WFDC1: variants seen among roughly 807,000 people sequenced by gnomAD.
The protein encoded by WFDC1 is WAP four-disulfide core domain protein 1.
In WFDC1, 39 loss-of-function variants were observed where a neutral mutation model predicts 32.9. That is an observed-to-expected ratio of 1.19 (90% confidence interval 0.92 to 1.55). The LOEUF is 1.55. Ranked by LOEUF, WFDC1 falls within the 40% of genes most tolerant of loss-of-function variation. WFDC1 has a pLI of 0.00. For synonymous variants in WFDC1, 184 were observed against 137.4 expected (o/e 1.34, Z -2.37); for missense variants, 386 against 309.5 (o/e 1.25, Z -1.85).
intron 1 of WFDC1, among the ~76,000 whole-genome samples, chr16:84,304,233 T>G (rs1353939324): frequency 6.6e-6 from 1 of 152,222 alleles, no homozygotes; most frequent in African/African-American, 2.4e-5. Context: ...TTTGTTCATC[T>G]ATATGAACAA....
chr16:84,300,707 C>T (rs1232738332), intron 1 of WFDC1, among the ~76,000 whole-genome samples: 2 of 152,152 alleles, frequency 1.3e-5, no homozygotes, highest in Non-Finnish European at 2.9e-5. Flanking sequence ...TGGTGGCCCA[C>T]GCCTGTAATT....
At chr16:84,318,930 GTGTGT>G in intron 3 of WFDC1, 1 of 200,288 alleles carries the variant, frequency 5.0e-6, no homozygotes, top group South Asian at 9.5e-5. Flanking sequence ...GTGTGTGTGT[GTGTGT>G]GTGTGTGCAT....
intron 1 of WFDC1, among the ~76,000 whole-genome samples, chr16:84,297,240 C>T (rs1046450879): frequency 2.6e-5 from 4 of 152,138 alleles, no homozygotes; most frequent in East Asian, 3.9e-4. Context: ...TGAATTGGCT[C>T]CTCGCTGAAT....
intron 2 of WFDC1, among the ~76,000 whole-genome samples, chr16:84,313,584 C>T (rs1445909946): frequency 6.6e-6 from 1 of 152,206 alleles, no homozygotes; most frequent in African/African-American, 2.4e-5. Flanking sequence ...CCTGGGCTGC[C>T]ACCAGCTGGA....
At chr16:84,307,706 C>T (rs1224914287) in intron 1 of WFDC1, among the ~76,000 whole-genome samples, 1 of 152,168 alleles carries the variant, frequency 6.6e-6, no homozygotes, top group African/African-American at 2.4e-5. Context: ...TAAGCCGCCC[C>T]CTCCCGACGA....
chr16:84,324,476 GTTCT>G lies in WFDC1; in HGVS notation c.604+24_604+27del, dbSNP rs1908474009. The G allele has an allele frequency of 1.2e-6, 2 of 1,610,856 alleles. No individual in the cohort carries two copies. The highest frequency in any genetic ancestry group is 1.7e-6 in the Non-Finnish European group (2 of 1,178,654). On this transcript the variant is annotated intron_variant, in intron 5 of 6. Coordinates refer to ENST00000219454, the MANE Select transcript of WFDC1 (RefSeq NM_021197.4). ...GAATATCCAGGTAAAAGAAGAAACT[GTTCT>G]TTCTTTCCAGAGGGCACAAAAAAAA...
chr16:84,302,418 C>T (rs1052261153), intron 1 of WFDC1, among the ~76,000 whole-genome samples: 3 of 152,172 alleles, frequency 2.0e-5, no homozygotes. Flanking sequence ...GAACCTGAGG[C>T]ACCTCTCGGG....
intron 1 of WFDC1, among the ~76,000 whole-genome samples, chr16:84,298,790 G>A (rs1033212018): frequency 1.8e-4 from 28 of 152,186 alleles, no homozygotes; most frequent in Non-Finnish European, 1.5e-4. Context: ...AGCATGCAGA[G>A]ACAGTGCCAG....
chr16:84,301,646 T>G (rs1047450606), intron 1 of WFDC1, among the ~76,000 whole-genome samples: 1 of 152,064 alleles, frequency 6.6e-6, no homozygotes, highest in Admixed American at 6.6e-5. Context: ...GCTGCCTGGG[T>G]GCTGGAGAGA....
At chr16:84,299,750 G>T (rs545198709) in intron 1 of WFDC1, among the ~76,000 whole-genome samples, 13 of 152,286 alleles carry the variant, frequency 8.5e-5, no homozygotes, top group African/African-American at 3.1e-4. Flanking sequence ...TCCCCTCTAA[G>T]CACCCCTCCA....
At chr16:84,327,707 G>T (rs1009670267) in intron 6 of WFDC1, 2 of 152,186 alleles carry the variant, frequency 1.3e-5, no homozygotes, top group African/African-American at 2.4e-5. Context: ...TCCAAGACCA[G>T]ACTAGGTCGC....
chr16:84,322,474 T>G (rs767140438), intron 4 of WFDC1, among the ~76,000 whole-genome samples: 7 of 152,198 alleles, frequency 4.6e-5, no homozygotes, highest in Non-Finnish European at 8.8e-5. Flanking sequence ...ATAAAAATGT[T>G]GCAAAAGTAG....
chr16:84,296,156 A>G (rs1906585565), intron 1 of WFDC1, among the ~76,000 whole-genome samples: 1 of 152,180 alleles, frequency 6.6e-6, no homozygotes, highest in Non-Finnish European at 1.5e-5. Flanking sequence ...AGAGGGCTCA[A>G]GAAGGTAATG....
At chr16:84,315,622 C>T (rs1469821514) in intron 2 of WFDC1, among the ~76,000 whole-genome samples, 4 of 152,290 alleles carry the variant, frequency 2.6e-5, no homozygotes, top group African/African-American at 7.2e-5. Flanking sequence ...GGCAGGGGGG[C>T]GCTCTCCCGT....
chr16:84,323,138 T>C (rs1908402103), intron 4 of WFDC1, among the ~76,000 whole-genome samples: 1 of 152,160 alleles, frequency 6.6e-6, no homozygotes, highest in East Asian at 1.9e-4. Context: ...TGGAAAATAG[T>C]TATTGCTGCA....
At chr16:84,312,772 A>C (rs968047223) in intron 1 of WFDC1, among the ~76,000 whole-genome samples, 189 bp from the exon 2 acceptor site, 8 of 152,186 alleles carry the variant, frequency 5.3e-5, no homozygotes, top group African/African-American at 1.9e-4. Flanking sequence ...ACTGTTATAA[A>C]AAGATACATG....
At position 84,312,951 on chromosome 16, in the gene WFDC1, C is replaced by G. The variant is rs572988816; in HGVS notation, c.145-10C>G. 2.8e-4 allele frequency: 326 copies of G among 1,154,626 alleles called. 1 individual carries two copies. The East Asian group carries it at 0.011, about 41-fold the overall frequency. The allele number at this position is 1,154,626 out of a possible 1,614,324, so 71.5% of individuals were successfully genotyped here. ...GCCCCAGAGCTGCTGACACCGCCCT[C>G]TCCCCGCAGGCCGAGGAGGCGGGCG... On this transcript the variant is annotated splice_polypyrimidine_tract_variant and intron_variant, in intron 1 of 6. Coordinates refer to ENST00000219454, the MANE Select transcript of WFDC1 (RefSeq NM_021197.4).
intron 1 of WFDC1, among the ~76,000 whole-genome samples, chr16:84,312,710 A>C (rs1907705418): frequency 6.6e-6 from 1 of 152,138 alleles, no homozygotes; most frequent in Non-Finnish European, 1.5e-5. Flanking sequence ...TTCAGCAAAC[A>C]CACCAAGATT....
intron 2 of WFDC1, among the ~76,000 whole-genome samples, chr16:84,314,404 C>T (rs1304160001): frequency 6.6e-6 from 1 of 152,110 alleles, no homozygotes; most frequent in Non-Finnish European, 1.5e-5. Flanking sequence ...CTCGGCTCTG[C>T]TCAGGGTGAT....
Sources: gnomAD v4.1 joint callset for allele counts (sites outside exome capture counted in the v4.1 genomes callset) on GRCh38, gnomAD v4.1.1 for gene constraint, MANE v1.5 for transcripts, NCBI Gene and HGNC (gene_info 2026-07-23, HGNC 2026-07-21) for gene names.